The following HIKESHI variants were observed in gnomAD, a reference collection of about 807,000 sequenced individuals.
HIKESHI encodes the protein protein Hikeshi.
HIKESHI carries 13 observed loss-of-function variants against 25.7 expected under a neutral mutation model. The ratio of observed to expected loss-of-function variants is 0.51; its 90% CI spans 0.33 to 0.80. The LOEUF is 0.80. Among genes scored for constraint, HIKESHI ranks in the 30% least tolerant of loss-of-function variants. The pLI, the probability that HIKESHI is intolerant of heterozygous loss-of-function variation, is 0.02. For synonymous variants in HIKESHI, 76 were observed against 78.7 expected, an observed-to-expected ratio of 0.97 and a Z score of 0.18; for missense variants, 174 against 229.5, an observed-to-expected ratio of 0.76 and a Z score of 1.56.
chr11:86,315,344 C>T (rs1946945599), intron 2 of HIKESHI, among the ~76,000 whole-genome samples: 1 of 131,366 alleles, frequency 7.6e-6, no homozygotes, highest in Non-Finnish European at 1.6e-5. Context: ...TTTTTTGAGT[C>T]AGTTTCGCTC....
intron 3 of HIKESHI, among the ~76,000 whole-genome samples, chr11:86,338,460 G>C (rs1160869909): frequency 6.6e-6 from 1 of 152,196 alleles, no homozygotes; most frequent in African/African-American, 2.4e-5. Context: ...TAGATGTGGT[G>C]ATGAGAACTT....
chr11:86,305,675 G>T (rs1946605496), intron 1 of HIKESHI, among the ~76,000 whole-genome samples: 1 of 152,008 alleles, frequency 6.6e-6, no homozygotes, highest in Non-Finnish European at 1.5e-5. Context: ...ACCGTGCCTG[G>T]CCTAGTTATT....
At chr11:86,326,710 G>A (rs1284316145) in intron 2 of HIKESHI, 2 of 360,670 alleles carry the variant, frequency 5.5e-6, no homozygotes, top group Admixed American at 3.4e-5. Context: ...TGGGTGGATG[G>A]GAATCACACT....
In HIKESHI at chr11:86,337,371, T is replaced by A. The variant is rs774144944; in HGVS notation, c.269-8T>A. ...TTGAAATGTGTGTCATATGTTAATT[T>A]CTTGCAGGAGAAGGAAGCCAACATC... On this transcript the variant is annotated splice_region_variant and splice_polypyrimidine_tract_variant and intron_variant, in intron 2 of 4. Transcript: ENST00000278483. 6.2e-7 allele frequency: 1 copy of A among 1,610,090 alleles called. No homozygotes were observed. The highest frequency in any genetic ancestry group is 8.5e-7 in the Non-Finnish European group (1 of 1,178,656).
intron 2 of HIKESHI, among the ~76,000 whole-genome samples, chr11:86,330,811 CT>C (rs202223451): frequency 0.017 from 2,643 of 152,230 alleles, 38 homozygotes; most frequent in Non-Finnish European, 0.024. Context: ...AATTTCTAGC[CT>C]TAGCAGTATC....
intron 2 of HIKESHI, 57 bp downstream of exon 2, chr11:86,306,539 C>G: frequency 1.9e-6 from 2 of 1,029,410 alleles, no homozygotes; most frequent in Non-Finnish European, 2.9e-6. Context: ...TCTTAAATAG[C>G]ATAACATGGA....
At position 86,302,383 on chromosome 11, in the gene HIKESHI, C is replaced by G. The variant is rs190646579; in HGVS notation, c.-66C>G. 1.3e-6 allele frequency: 2 copies of G among 1,543,394 alleles called. 1 individual carries two copies. The highest frequency in any genetic ancestry group is 1.8e-6 in the Non-Finnish European group (2 of 1,140,772). On this transcript the variant is annotated 5_prime_UTR_variant, in exon 1 of 5. Transcript: ENST00000278483. Reference sequence around the variant, plus strand: ...GGAAGGTTCTTAGTCTCGACTAGGGCAGTAGCCCCAGGACTCCTAGTCGCC... The same window carrying G: ...GGAAGGTTCTTAGTCTCGACTAGGGGAGTAGCCCCAGGACTCCTAGTCGCC...
At chr11:86,311,007 A>G (rs1259876539) in intron 2 of HIKESHI, among the ~76,000 whole-genome samples, 1 of 152,124 alleles carries the variant, frequency 6.6e-6, no homozygotes, top group African/African-American at 2.4e-5. Context: ...CATCAGGGTT[A>G]TTGGTCTAAA....
chr11:86,334,184 A>T (rs1223482363), intron 2 of HIKESHI, among the ~76,000 whole-genome samples: 1 of 151,990 alleles, frequency 6.6e-6, no homozygotes, highest in African/African-American at 2.4e-5. Context: ...AAAAAATCTA[A>T]TAAAGTTGTT....
intron 2 of HIKESHI, among the ~76,000 whole-genome samples, chr11:86,310,173 C>T (rs2138307363): frequency 6.8e-6 from 1 of 147,682 alleles, no homozygotes; most frequent in South Asian, 2.2e-4. Flanking sequence ...GCCATTTTCA[C>T]AATATTGATT....
chr11:86,325,637 G>T (rs1593846060), intron 2 of HIKESHI, among the ~76,000 whole-genome samples: 2 of 152,094 alleles, frequency 1.3e-5, no homozygotes, highest in African/African-American at 4.8e-5. Context: ...ACTTTGGGAG[G>T]CCTAGGTGGG....
At chr11:86,317,943 A>G (rs1467573606) in intron 2 of HIKESHI, among the ~76,000 whole-genome samples, 5 of 152,300 alleles carry the variant, frequency 3.3e-5, no homozygotes. Flanking sequence ...ATAGGAACAG[A>G]CAAAATTGGC....
At chr11:86,313,785 C>T (rs568161362) in intron 2 of HIKESHI, among the ~76,000 whole-genome samples, 5 of 152,038 alleles carry the variant, frequency 3.3e-5, no homozygotes, top group Non-Finnish European at 5.9e-5. Flanking sequence ...GCAATTAACT[C>T]GTAAGTGGGT....
At chr11:86,317,846 A>G (rs1432161748) in intron 2 of HIKESHI, among the ~76,000 whole-genome samples, 1 of 152,140 alleles carries the variant, frequency 6.6e-6, no homozygotes, top group Non-Finnish European at 1.5e-5. Context: ...AAGTAATGTT[A>G]TTAAAAATGT....
At chr11:86,342,259 T>C (rs1344811232) in intron 3 of HIKESHI, among the ~76,000 whole-genome samples, 1 of 152,256 alleles carries the variant, frequency 6.6e-6, no homozygotes, top group Non-Finnish European at 1.5e-5. Flanking sequence ...AAGATGCCTT[T>C]ATGTGTTCTG....
chr11:86,308,571 A>ATTTATTTATTTATTTATTTG (rs1206622149), intron 2 of HIKESHI, among the ~76,000 whole-genome samples: 1 of 150,156 alleles, frequency 6.7e-6, no homozygotes, highest in Non-Finnish European at 1.5e-5. Flanking sequence ...TTATTTATTT[A>ATTTATTTATTTATTTATTTG]TTTATTTATC....
intron 2 of HIKESHI, among the ~76,000 whole-genome samples, chr11:86,328,727 C>T (rs958238250): frequency 6.6e-6 from 1 of 152,126 alleles, no homozygotes; most frequent in Admixed American, 6.5e-5. Flanking sequence ...CAGGCATGAG[C>T]CACCATGCCT....
Position 86,306,317 on chromosome 11 carries a change from C to T in HIKESHI, c.103C>T (p.His35Tyr). Residue 35 changes from histidine to tyrosine, a missense_variant, in exon 2 of 5, where the codon CAT (histidine) becomes TAT (tyrosine). His to Tyr is a moderately conservative substitution (Grantham distance 83). Transcript: ENST00000278483. ...CTTACCTGATTATGAAAGTATCAAC[C>T]ATGTTGTGGTTTTTATGCTGGGAAC... ...FDLPDYESINHVVVFMLGTIP... is the reference protein window; with the variant it reads ...FDLPDYESINYVVVFMLGTIP... 6.2e-7 allele frequency: 1 copy of T among 1,614,002 alleles called. No homozygotes were observed. Among genetic ancestry groups the T allele is most frequent in the Non-Finnish European group, 8.5e-7 (1 of 1,179,952 alleles).
chr11:86,315,721 G>C (rs115840939), intron 2 of HIKESHI, among the ~76,000 whole-genome samples: 4,954 of 151,944 alleles, frequency 0.033, 259 homozygotes, highest in African/African-American at 0.11. Context: ...GGAGGTAGTT[G>C]TACTTTATAA....
Sources: allele counts gnomAD v4.1 joint callset (sites outside exome capture counted in the v4.1 genomes callset), GRCh38; gene constraint gnomAD v4.1.1; transcripts MANE v1.5; gene names NCBI Gene and HGNC (gene_info 2026-07-23, HGNC 2026-07-21).